CPVL: variants seen among roughly 807,000 people sequenced by gnomAD.
CPVL encodes carboxypeptidase vitellogenic like.
In CPVL, 51 loss-of-function variants were observed where a neutral mutation model predicts 63.7. The ratio of observed to expected loss-of-function variants is 0.80; its 90% CI spans 0.64 to 1.01. The LOEUF (loss-of-function observed/expected upper bound fraction) is 1.01. Among genes scored for constraint, CPVL ranks in the 50% least tolerant of loss-of-function variants. The probability of loss-of-function intolerance (pLI) is 0.00; values close to 1 mark genes in which losing one functional copy is unlikely to be tolerated. For synonymous variants in CPVL, 195 were observed against 206.0 expected, an observed-to-expected ratio of 0.95 and a Z score of 0.46; for missense variants, 530 against 573.1, an observed-to-expected ratio of 0.92 and a Z score of 0.77.
intron 1 of CPVL, chr7:29,194,150 G>C (rs1488842346): frequency 6.7e-6 from 1 of 149,656 alleles, no homozygotes; most frequent in African/African-American, 2.5e-5. Flanking sequence ...CTCGCTGCTC[G>C]AGAGCCCGGC....
chr7:29,185,186 T>C (rs1460899590), intron 3 of CPVL, among the ~76,000 whole-genome samples: 1 of 152,208 alleles, frequency 6.6e-6, no homozygotes, highest in African/African-American at 2.4e-5. Context: ...TCTAATCTTC[T>C]TTATGATTGA....
At chr7:29,012,894 A>T (rs188792663) in intron 12 of CPVL, 70 of 152,298 alleles carry the variant, frequency 4.6e-4, no homozygotes, top group African/African-American at 1.6e-3. Context: ...GACCAATAAA[A>T]TCAGGGTATC....
chr7:29,078,676 T>A (rs1200696825), intron 7 of CPVL, among the ~76,000 whole-genome samples: 1 of 152,196 alleles, frequency 6.6e-6, no homozygotes, highest in Non-Finnish European at 1.5e-5. Context: ...AGCATGGTAA[T>A]TCATTTCCAA....
rs1324702058 is a variant in CPVL, at chr7:29,071,762, C to G, written c.864+11G>C. ...ATTGCTCAAGGGCAGCACAGGGCCC[C>G]CAGAACTCACTTCAAAGGCCTCAAA... is the stretch of plus-strand genomic sequence containing the variant. On this transcript the variant is annotated intron_variant, in intron 9 of 12. Transcript: ENST00000265394. 6.2e-7 allele frequency: 1 copy of G among 1,612,146 alleles called. No homozygotes were observed.
chr7:29,091,247 C>A (rs925946459), intron 6 of CPVL, among the ~76,000 whole-genome samples: 1 of 152,188 alleles, frequency 6.6e-6, no homozygotes, highest in Non-Finnish European at 1.5e-5. Context: ...GAAGCTGTAA[C>A]TGTCTTTGGG....
At chr7:29,106,381 A>G (rs1323628479) in intron 3 of CPVL, among the ~76,000 whole-genome samples, 2 of 151,760 alleles carry the variant, frequency 1.3e-5, no homozygotes, top group African/African-American at 2.4e-5. Flanking sequence ...ACCTGGACAG[A>G]GCCAGGGATA....
In CPVL at chr7:29,120,864, G is replaced by A. The variant is rs114383243; in HGVS notation, c.169+29C>T. 4,553 of 1,567,104 alleles carry A rather than the reference G, an allele frequency of 2.9e-3. 119 individuals carry two copies. In the African/African-American group the frequency reaches 0.052, roughly 18 times the overall value. The stretch of plus-strand genomic sequence containing the variant: ...GAGAAACTGTTGAACTCATGCCAGT[G>A]GTTTTCTGATTTAATTAAACTTACT... On this transcript the variant is annotated intron_variant, in intron 2 of 12. Coordinates refer to ENST00000265394, the MANE Select transcript of CPVL (RefSeq NM_031311.5).
At chr7:29,120,825 A>C in intron 2 of CPVL, 68 bp downstream of exon 2, 1 of 1,252,440 alleles carries the variant, frequency 8.0e-7, no homozygotes, top group South Asian at 1.5e-5. Context: ...TCTCAAAAAA[A>C]AAAAAAAAAA....
intron 11 of CPVL, among the ~76,000 whole-genome samples, chr7:29,035,964 T>C (rs576589945): frequency 1.2e-4 from 18 of 152,340 alleles, no homozygotes; most frequent in South Asian, 2.1e-4. Context: ...ACAGAGTTCA[T>C]TGATAAGTCT....
intron 1 of CPVL, among the ~76,000 whole-genome samples, chr7:29,144,708 TC>T (rs1396468665): frequency 2.6e-5 from 4 of 152,188 alleles, no homozygotes; most frequent in Non-Finnish European, 2.9e-5. Flanking sequence ...ACTCAGTGTT[TC>T]CTCTGACAAA....
In CPVL at chr7:29,093,916, G is replaced by A. The variant is rs187596636; in HGVS notation, c.462+1168C>T. Among the ~76,000 whole-genome samples the A allele has an allele frequency of 1.6e-4, 25 of 152,332 alleles. No homozygotes were observed. In the East Asian group the frequency reaches 4.8e-3, roughly 29 times the overall value. ...TAAAGATTTTAGTTAAGAGGGCAAA[G>A]ATACTCCAAATCTGTAGAAGCTGAC... On this transcript the variant is annotated intron_variant, in intron 5 of 12. Transcript: ENST00000265394.
At chr7:29,108,890 A>G (rs551650557) in intron 3 of CPVL, among the ~76,000 whole-genome samples, 3 of 152,342 alleles carry the variant, frequency 2.0e-5, no homozygotes, top group African/African-American at 7.2e-5. Flanking sequence ...AGTGCCTTCC[A>G]TGACTCGTTT....
chr7:29,035,265 CTG>C (rs1788413171), intron 11 of CPVL, among the ~76,000 whole-genome samples: 1 of 152,168 alleles, frequency 6.6e-6, no homozygotes, highest in Non-Finnish European at 1.5e-5. Flanking sequence ...GTTATGGAAA[CTG>C]TGATACTGTG....
chr7:29,182,290 C>A (rs1798157541), intron 4 of CPVL, among the ~76,000 whole-genome samples: 1 of 152,172 alleles, frequency 6.6e-6, no homozygotes, highest in African/African-American at 2.4e-5. Flanking sequence ...TCTTTCTATT[C>A]AATGCCTTAA....
intron 1 of CPVL, among the ~76,000 whole-genome samples, chr7:29,123,336 T>G (rs1789565154): frequency 1.3e-5 from 2 of 151,828 alleles, no homozygotes; most frequent in African/African-American, 4.8e-5. Context: ...CTTACTAGAA[T>G]TCCCCACACT....
At chr7:29,173,774 CAAAAAAA>C in intron 5 of CPVL, among the ~76,000 whole-genome samples, 1 of 120,252 alleles carries the variant, frequency 8.3e-6, no homozygotes. Context: ...CTGTCTCTAC[CAAAAAAA>C]AAAAAAAAAA....
Position 29,002,027 on chromosome 7 carries a change from A to C in CPVL, c.1321-6145T>G, listed in dbSNP as rs145825655. On this transcript the variant is annotated intron_variant, in intron 12 of 12. Transcript: ENST00000265394. Reference sequence around the variant, plus strand: ...AGGCCATGATCGTAGAGAAAAGGGAATCACAAGGAAGTGAGCCTAACATTT... The same window carrying C: ...AGGCCATGATCGTAGAGAAAAGGGACTCACAAGGAAGTGAGCCTAACATTT... Among the ~76,000 whole-genome samples, 832 of 152,358 alleles carry C rather than the reference A, an allele frequency of 5.5e-3. 3 individuals carry two copies. Among genetic ancestry groups the C allele is most frequent in the Non-Finnish European group, 8.4e-3 (570 of 68,028 alleles).
intron 5 of CPVL, among the ~76,000 whole-genome samples, chr7:29,093,058 T>G (rs1031111688): frequency 6.6e-6 from 1 of 152,166 alleles, no homozygotes; most frequent in African/African-American, 2.4e-5. Flanking sequence ...GTCTCCTCTC[T>G]GAAACCTGGA....
intron 11 of CPVL, among the ~76,000 whole-genome samples, chr7:29,058,662 TGC>T (rs1790983784): frequency 6.6e-6 from 1 of 152,162 alleles, no homozygotes; most frequent in African/African-American, 2.4e-5. Flanking sequence ...TTTTGCAAGG[TGC>T]AGAATTCTAA....
Sources: allele counts gnomAD v4.1 joint callset (sites outside exome capture counted in the v4.1 genomes callset), GRCh38; gene constraint gnomAD v4.1.1; transcripts MANE v1.5; gene names NCBI Gene and HGNC (gene_info 2026-07-23, HGNC 2026-07-21).